The following LRRTM4 variants were observed in gnomAD, a reference collection of about 807,000 sequenced individuals.
LRRTM4 encodes the protein leucine-rich repeat transmembrane neuronal protein 4.
Under a neutral mutation model 47.6 loss-of-function variants are expected in LRRTM4, and 25 were observed. The ratio of observed to expected loss-of-function variants is 0.53; its 90% CI spans 0.38 to 0.73. LRRTM4 has a LOEUF of 0.73. Among genes scored for constraint, LRRTM4 ranks in the 30% least tolerant of loss-of-function variants. LRRTM4 has a pLI of 0.00. For synonymous variants in LRRTM4, 311 were observed against 269.5 expected (o/e 1.15, Z -1.51); for missense variants, 638 against 713.4 (o/e 0.89, Z 1.20).
intron 3 of LRRTM4, among the ~76,000 whole-genome samples, chr2:76,794,795 CCAGTAGCATCAATCCCCCAAGT>C (rs1675179320): frequency 6.6e-6 from 1 of 151,870 alleles, no homozygotes; most frequent in Non-Finnish European, 1.5e-5. Context: ...CCCACCAGAG[CCAGTAGCATCAATCCCCCAAGT>C]CAGACAATGA....
At chr2:77,258,538 C>T (rs7601638) in intron 3 of LRRTM4, among the ~76,000 whole-genome samples, 18,736 of 151,828 alleles carry the variant, frequency 0.12, 3,875 homozygotes, top group African/African-American at 0.43. Flanking sequence ...CTGAGAACTC[C>T]CTGTACTATC....
intron 3 of LRRTM4, among the ~76,000 whole-genome samples, chr2:77,049,117 ATT>A (rs200993543): frequency 0.022 from 1,825 of 83,238 alleles, 72 homozygotes; most frequent in African/African-American, 0.057. Context: ...ATAATATTTC[ATT>A]TTTTATATAT....
chr2:76,758,621 C>G (rs1673147317), intron 3 of LRRTM4, among the ~76,000 whole-genome samples: 1 of 152,064 alleles, frequency 6.6e-6, no homozygotes. Context: ...CAGAATGACT[C>G]ACAAATAATA....
rs372125450 is a variant in LRRTM4 at position 77,385,672 on chromosome 2, T to A, written c.1551+132646A>T. Among the ~76,000 whole-genome samples, 15 of 151,732 alleles carry A rather than the reference T, an allele frequency of 9.9e-5. No homozygotes were observed. In the East Asian group the frequency reaches 2.3e-3, roughly 24 times the overall value. On this transcript the variant is annotated intron_variant, in intron 3 of 3. Transcript: ENST00000409884. ...TTCACACCTGTTGTAATAAGTAGAC[T>A]GTATTTTTTGTTTTCTCTTCTTTTT...
chr2:76,807,981 T>C lies in LRRTM4; in HGVS notation c.1552-59065A>G, dbSNP rs571918877. 9.7e-3 allele frequency among the ~76,000 whole-genome samples: 1,466 copies of C among 150,774 alleles called. 9 individuals are homozygous for C. Among genetic ancestry groups the C allele is most frequent in the Non-Finnish European group, 0.017 (1,128 of 67,720 alleles). ...TTTCTTTTTCTTTCCTTCCTTCCCT[T>C]CTTTCTTTTCTTTCTGTCTCTTTTC... On this transcript the variant is annotated intron_variant, in intron 3 of 3. Transcript: ENST00000409884.
At chr2:76,795,942 A>C (rs1675285269) in intron 3 of LRRTM4, among the ~76,000 whole-genome samples, 1 of 151,264 alleles carries the variant, frequency 6.6e-6, no homozygotes, top group Middle Eastern at 3.2e-3. Flanking sequence ...CAGTGGGCGC[A>C]GGTCAGTGGG....
chr2:76,914,216 A>G (rs552392778), intron 3 of LRRTM4, among the ~76,000 whole-genome samples: 1 of 152,122 alleles, frequency 6.6e-6, no homozygotes, highest in Non-Finnish European at 1.5e-5. Context: ...CGTCCATCAT[A>G]TCAATAACTT....
chr2:76,804,466 A>T (rs1169521439), intron 3 of LRRTM4, among the ~76,000 whole-genome samples: 1 of 151,946 alleles, frequency 6.6e-6, no homozygotes, highest in African/African-American at 2.4e-5. Flanking sequence ...TGGATAAATA[A>T]GTTATGACAC....
chr2:77,315,417 T>C (rs1185089819), intron 3 of LRRTM4, among the ~76,000 whole-genome samples: 2 of 152,194 alleles, frequency 1.3e-5, no homozygotes, highest in Non-Finnish European at 2.9e-5. Flanking sequence ...CTAGTATAGA[T>C]AGTTTTTGTC....
chr2:77,306,498 T>C (rs777307748), intron 3 of LRRTM4, among the ~76,000 whole-genome samples: 7 of 152,204 alleles, frequency 4.6e-5, no homozygotes, highest in Non-Finnish European at 1.0e-4. Flanking sequence ...TATCCCAAAA[T>C]GTTATGCAAA....
chr2:77,444,932 T>TACACACAC (rs745467847), intron 3 of LRRTM4, among the ~76,000 whole-genome samples: 4,827 of 121,924 alleles, frequency 0.04, 133 homozygotes, highest in Non-Finnish European at 0.049. Context: ...TCCTTTATTT[T>TACACACAC]ACACACACAC....
At chr2:77,181,088 G>A (rs370741684) in intron 3 of LRRTM4, among the ~76,000 whole-genome samples, 3 of 152,112 alleles carry the variant, frequency 2.0e-5, no homozygotes, top group Admixed American at 6.6e-5. Context: ...ATAATAATGA[G>A]TAGAAATTGA....
chr2:77,048,835 C>A (rs912158776), intron 3 of LRRTM4, among the ~76,000 whole-genome samples: 10 of 151,446 alleles, frequency 6.6e-5, no homozygotes, highest in African/African-American at 2.4e-4. Context: ...CCTAAACACC[C>A]TATAGTGCTA....
chr2:77,054,612 A>T (rs908942154), intron 3 of LRRTM4, among the ~76,000 whole-genome samples: 2 of 152,224 alleles, frequency 1.3e-5, no homozygotes, highest in African/African-American at 4.8e-5. Context: ...ATTATTTCTC[A>T]TTAATTTGAC....
intron 3 of LRRTM4, among the ~76,000 whole-genome samples, chr2:76,887,146 C>A (rs918886988): frequency 6.6e-6 from 1 of 151,280 alleles, no homozygotes; most frequent in African/African-American, 2.4e-5. Flanking sequence ...CAGATATAGG[C>A]GAGCAAATAC....
intron 3 of LRRTM4, among the ~76,000 whole-genome samples, chr2:77,112,056 T>C (rs78833662): frequency 0.023 from 3,432 of 152,260 alleles, 130 homozygotes; most frequent in African/African-American, 0.076. Context: ...ATCTTACATG[T>C]GTAATTTAGA....
At chr2:77,349,973 G>A (rs1671698858) in intron 3 of LRRTM4, among the ~76,000 whole-genome samples, 2 of 152,066 alleles carry the variant, frequency 1.3e-5, no homozygotes, top group African/African-American at 4.8e-5. Context: ...TTATAAATGG[G>A]AAATTTAACT....
chr2:76,839,912 A>G (rs1187541637), intron 3 of LRRTM4, among the ~76,000 whole-genome samples: 1 of 152,090 alleles, frequency 6.6e-6, no homozygotes, highest in Non-Finnish European at 1.5e-5. Flanking sequence ...TGTTATATCA[A>G]ATGATTCTGG....
At chr2:77,001,845 A>C (rs926546496) in intron 3 of LRRTM4, among the ~76,000 whole-genome samples, 3 of 152,158 alleles carry the variant, frequency 2.0e-5, no homozygotes, top group Non-Finnish European at 4.4e-5. Context: ...ACAATAACGG[A>C]TCTGCACAAT....
Sources: allele counts gnomAD v4.1 joint callset (sites outside exome capture counted in the v4.1 genomes callset), GRCh38; gene constraint gnomAD v4.1.1; transcripts MANE v1.5; gene names NCBI Gene and HGNC (gene_info 2026-07-23, HGNC 2026-07-21).